The following DMBX1 variants were observed in gnomAD, a reference collection of about 807,000 sequenced individuals.
DMBX1 encodes the protein diencephalon/mesencephalon homeobox 1, also known as diencephalon/mesencephalon homeobox protein 1.
A neutral mutation model predicts 30.4 loss-of-function variants in DMBX1; 7 were observed. That is an observed-to-expected ratio of 0.23 (90% CI 0.13 to 0.43). The LOEUF is 0.43. DMBX1 is among the 20% of genes least tolerant of loss of function. DMBX1 has a pLI of 1.00. For missense variants in DMBX1, 460 were observed against 508.5 expected (o/e 0.90, Z 0.92); for synonymous variants, 222 against 214.2 (o/e 1.04, Z -0.32).
At position 46,507,117 on chromosome 1, in the gene DMBX1, A is replaced by C. The variant is rs1666252747; in HGVS notation, c.107A>C (p.Asp36Ala). The C allele has an allele frequency of 6.2e-7, 1 of 1,614,098 alleles. No homozygotes were observed. Among genetic ancestry groups the C allele is most frequent in the African/African-American group, 1.3e-5 (1 of 74,950 alleles). ...QAAQQAQHAP[D>A]YRPSVHALTL... is the part of the protein sequence containing the mutation. ...GCCCAGCAGGCCCAGCATGCCCCCG[A>C]CTACCGGCCTTCAGTGCATGCGCTT... The change falls in exon 3 of 6, where the codon GAC becomes GCC. Residue 36 changes from aspartate (D) to alanine (A), a missense_variant. Physicochemically the swap from Asp to Ala is moderately radical, Grantham distance 126 (BLOSUM62 -2). Around this residue, in one of 3 missense-constraint regions of DMBX1, gnomAD observed 124 missense variants for 144.0 expected, o/e 0.86. Coordinates refer to ENST00000360032, the MANE Select transcript of DMBX1 (RefSeq NM_172225.2).
Position 46,512,448 on chromosome 1 carries a change from C to T in DMBX1, c.1088C>T (p.Ala363Val). 1 of 1,613,662 alleles carries T rather than the reference C, an allele frequency of 6.2e-7. No homozygotes were observed. The highest frequency in any genetic ancestry group is 8.5e-7 in the Non-Finnish European group (1 of 1,179,856). The change falls in exon 6 of 6, where the codon GCC (alanine) becomes GTC (valine). Residue 363 changes from alanine to valine, a missense_variant. This residue lies in a region of DMBX1 where 334 missense variants were observed against 345.1 expected (regional missense o/e 0.97). Transcript: ENST00000360032. The surrounding 1 kb of genome is among the most constrained non-coding windows in gnomAD (Gnocchi z 4.8). Reference sequence around the variant, plus strand: ...AGCATCGAGAACCTGCGGCTCCGGGCCAAGCAGCACGCGGCCTCCCTGGGA... The same window carrying T: ...AGCATCGAGAACCTGCGGCTCCGGGTCAAGCAGCACGCGGCCTCCCTGGGA... Reference protein sequence around the residue: ...TTSIENLRLRAKQHAASLGLD... With the variant: ...TTSIENLRLRVKQHAASLGLD...
chr1:46,498,002 C>T (rs969484510), intron 2 of DMBX1, among the ~76,000 whole-genome samples: 8 of 152,278 alleles, frequency 5.3e-5, no homozygotes, highest in East Asian at 1.9e-4. Flanking sequence ...AGGCAGGGCC[C>T]GGCCTGGGGC....
chr1:46,511,915 A>G, intron 5 of DMBX1, 128 bp from the exon 6 acceptor site: 1 of 923,846 alleles, frequency 1.1e-6, no homozygotes, highest in East Asian at 2.4e-5. Flanking sequence ...CTGAGATGGG[A>G]TGGATGTGGT....
In DMBX1 at chr1:46,510,834, T is replaced by C. The variant is rs1666351280; in HGVS notation, c.334-101T>C. 1 of 1,356,156 alleles carries C rather than the reference T, an allele frequency of 7.4e-7. No homozygotes were observed. Among genetic ancestry groups the C allele is most frequent in the Admixed American group, 2.5e-5 (1 of 39,932 alleles). 84.0% of individuals were successfully genotyped at this position (1,356,156 alleles called of 1,614,324 possible). On this transcript the variant is annotated intron_variant, in intron 4 of 5. Transcript: ENST00000360032. The surrounding 1 kb of genome is among the most constrained non-coding windows in gnomAD (Gnocchi z 4.1). ...AGAGGGTGTGCATTCCCTAGAGGGG[T>C]GGGGGGATGTTATCACGTACATCCT...
At chr1:46,494,797 G>A (rs1321134793) in intron 2 of DMBX1, among the ~76,000 whole-genome samples, 1 of 152,148 alleles carries the variant, frequency 6.6e-6, no homozygotes. Context: ...TCACTTTGGG[G>A]GCCCTCAGTG....
intron 2 of DMBX1, among the ~76,000 whole-genome samples, chr1:46,497,626 G>A (rs562286617): frequency 2.3e-4 from 35 of 152,324 alleles, no homozygotes; most frequent in Admixed American, 1.8e-3. Flanking sequence ...AATCAAAGAC[G>A]TCTTGCATGC....
chr1:46,492,605 C>G (rs901486245), intron 2 of DMBX1, among the ~76,000 whole-genome samples: 2 of 152,120 alleles, frequency 1.3e-5, no homozygotes, highest in African/African-American at 4.8e-5. Context: ...GAGGCGCAGT[C>G]CCCTATGTCT....
chr1:46,512,604 C>G lies in DMBX1; in HGVS notation c.*110C>G. The G allele has an allele frequency of 8.1e-7, 1 of 1,232,662 alleles. No homozygotes were observed. The highest frequency in any genetic ancestry group is 1.5e-5 in the South Asian group (1 of 67,100). 76.4% of individuals were successfully genotyped at this position (1,232,662 alleles called of 1,614,324 possible). ...CTCCATGAGCCCAGGGATCCTAGGG[C>G]CTGGGGTCCTGTTCCCTGCTCCGCT... On this transcript the variant is annotated 3_prime_UTR_variant, in exon 6 of 6. Coordinates refer to ENST00000360032, the MANE Select transcript of DMBX1 (RefSeq NM_172225.2). This position sits in a 1 kb window ranked among gnomAD's most constrained non-coding sequence, Gnocchi z 4.8.
At chr1:46,504,881 T>C (rs1312853350) in intron 2 of DMBX1, among the ~76,000 whole-genome samples, 13 of 151,858 alleles carry the variant, frequency 8.6e-5, no homozygotes, top group African/African-American at 3.1e-4. Context: ...TGTATCCTCT[T>C]TTATTTCCTT....
At chr1:46,511,944 TGTCTA>T (rs1487701198) in intron 5 of DMBX1, 94 bp from the exon 6 acceptor site, 7 of 1,213,174 alleles carry the variant, frequency 5.8e-6, no homozygotes. Flanking sequence ...AAGCCTGTCT[TGTCTA>T]TAGTGCCAAG....
rs1422870989 is a variant in DMBX1, at chr1:46,491,533, A to AG, written c.-13+754dup. 6.6e-6 allele frequency among the ~76,000 whole-genome samples: 1 copy of AG among 152,158 alleles called. No individual in the cohort carries two copies. Among genetic ancestry groups the AG allele is most frequent in the Non-Finnish European group, 1.5e-5 (1 of 68,026 alleles). On this transcript the variant is annotated intron_variant, in intron 2 of 5. Transcript: ENST00000360032. This position sits in a 1 kb window ranked among gnomAD's most constrained non-coding sequence, Gnocchi z 5.5. ...ATTGACTTGATGGACCTTGGAGGAA[A>AG]GGGGCTGTCTGTACCGCAAGGGTTG...
chr1:46,514,440 CA>C lies in DMBX1; in HGVS notation c.*1948del, dbSNP rs368077864. Among the ~76,000 whole-genome samples, 93 of 152,300 alleles carry C rather than the reference CA, an allele frequency of 6.1e-4. No homozygotes were observed. The highest frequency in any genetic ancestry group is 4.6e-3 in the East Asian group (24 of 5,182). Reference sequence around the variant, plus strand: ...AAATTACTATTGCCTTTCTGTGGAGCAAGGGGTGTTGTACACACAAGCCTCA... The same window carrying C: ...AAATTACTATTGCCTTTCTGTGGAGCAGGGGTGTTGTACACACAAGCCTCA... On this transcript the variant is annotated 3_prime_UTR_variant, in exon 6 of 6. Coordinates refer to ENST00000360032, the MANE Select transcript of DMBX1 (RefSeq NM_172225.2).
chr1:46,507,266 T>C, intron 3 of DMBX1, 102 bp downstream of exon 3: 1 of 1,450,822 alleles, frequency 6.9e-7, no homozygotes, highest in Non-Finnish European at 9.2e-7. Flanking sequence ...AAGCTTGTTC[T>C]AGGGGGCTCA....
At chr1:46,507,958 A>C (rs557658659) in intron 3 of DMBX1, among the ~76,000 whole-genome samples, 1 of 152,104 alleles carries the variant, frequency 6.6e-6, no homozygotes, top group Non-Finnish European at 1.5e-5. Flanking sequence ...GCCCAAGGTA[A>C]GTACCCATAT....
At position 46,501,192 on chromosome 1, in the gene DMBX1, CCCTT is replaced by C. The variant is rs1553186644; in HGVS notation, c.-12-5786_-12-5783del. ...TCTCTTTCTTTCTGTTTCTTTCTCT[CCCTT>C]CCTTCCTTCCTTCCTTCCTTTCTTT... On this transcript the variant is annotated intron_variant, in intron 2 of 5. Transcript: ENST00000360032. Among the ~76,000 whole-genome samples the C allele has an allele frequency of 7.4e-4, 50 of 67,886 alleles. No homozygotes were observed. In the East Asian group the frequency reaches 7.7e-3, roughly 10 times the overall value. 44.5% of individuals were successfully genotyped at this position (67,886 alleles called of 152,430 possible).
Position 46,489,854 on chromosome 1 carries a change from G to A in DMBX1, c.-176G>A, listed in dbSNP as rs1569874259. Among the ~76,000 whole-genome samples the A allele has an allele frequency of 1.3e-5, 2 of 152,148 alleles. No homozygotes were observed. Among genetic ancestry groups the A allele is most frequent in the Non-Finnish European group, 2.9e-5 (2 of 67,960 alleles). Reference sequence around the variant, plus strand: ...GTCGCGCGTAGATGGCAGCGGAGGCGGCGGCGCGGGCCGGGGTGACCAGGT... The same window carrying A: ...GTCGCGCGTAGATGGCAGCGGAGGCAGCGGCGCGGGCCGGGGTGACCAGGT... On this transcript the variant is annotated 5_prime_UTR_variant, in exon 1 of 6. Coordinates refer to ENST00000360032, the MANE Select transcript of DMBX1 (RefSeq NM_172225.2).
intron 2 of DMBX1, among the ~76,000 whole-genome samples, chr1:46,502,749 C>G (rs1284463704): frequency 3.3e-5 from 5 of 152,148 alleles, no homozygotes; most frequent in African/African-American, 7.2e-5. Flanking sequence ...ATTATCCCAG[C>G]ATGATGGTAG....
Position 46,512,191 on chromosome 1 carries a change from C to G in DMBX1, c.831C>G (p.His277Gln). 1 of 1,614,096 alleles carries G rather than the reference C, an allele frequency of 6.2e-7. No homozygotes were observed. The highest frequency in any genetic ancestry group is 8.5e-7 in the Non-Finnish European group (1 of 1,179,986). Reference protein sequence around the residue: ...QHMAATNNLVHYSSFEVGGPA... With the variant: ...QHMAATNNLVQYSSFEVGGPA... ...TGGCGGCCACCAACAACCTGGTGCACTACTCGTCCTTCGAAGTAGGGGGTC... is the reference window on the plus strand; with the variant it reads ...TGGCGGCCACCAACAACCTGGTGCAGTACTCGTCCTTCGAAGTAGGGGGTC... The change falls in exon 6 of 6, where the codon CAC (histidine) becomes CAG (glutamine). Residue 277 changes from histidine to glutamine, a missense_variant. By Grantham distance (24) the His-to-Gln change is conservative. Around this residue, in one of 3 missense-constraint regions of DMBX1, gnomAD observed 334 missense variants for 345.1 expected, o/e 0.97. Coordinates refer to ENST00000360032, the MANE Select transcript of DMBX1 (RefSeq NM_172225.2). This position sits in a 1 kb window ranked among gnomAD's most constrained non-coding sequence, Gnocchi z 4.8.
chr1:46,491,837 G>A lies in DMBX1; in HGVS notation c.-13+1054G>A, dbSNP rs77538426. 5.5e-3 allele frequency among the ~76,000 whole-genome samples: 840 copies of A among 152,292 alleles called. 12 individuals carry two copies. The highest frequency in any genetic ancestry group is 0.054 in the East Asian group (281 of 5,178). The stretch of plus-strand genomic sequence containing the variant: ...TCTGGCCTAAGGACGAATGAATTTA[G>A]TTCCTACCTCCCCTTTCTGCAAACC... On this transcript the variant is annotated intron_variant, in intron 2 of 5. Coordinates refer to ENST00000360032, the MANE Select transcript of DMBX1 (RefSeq NM_172225.2). The surrounding 1 kb of genome is among the most constrained non-coding windows in gnomAD (Gnocchi z 5.5).
Sources: allele counts gnomAD v4.1 joint callset (sites outside exome capture counted in the v4.1 genomes callset), GRCh38; gene constraint gnomAD v4.1.1; regional missense constraint gnomAD v4.1.1; non-coding constraint Gnocchi (gnomAD v3.1); transcripts MANE v1.5; gene names NCBI Gene and HGNC (gene_info 2026-07-23, HGNC 2026-07-21).